ZNF777: variants seen among roughly 807,000 people sequenced by gnomAD.
ZNF777 encodes zinc finger protein 777.
A neutral mutation model predicts 72.1 loss-of-function variants in ZNF777; 7 were observed. The ratio of observed to expected loss-of-function variants is 0.10; its 90% CI spans 0.06 to 0.18. ZNF777 has a LOEUF of 0.18. Among genes scored for constraint, ZNF777 ranks in the 10% least tolerant of loss-of-function variants. The pLI, the probability that ZNF777 is intolerant of heterozygous loss-of-function variation, is 1.00. For missense variants in ZNF777, 828 were observed against 1,128.6 expected, an observed-to-expected ratio of 0.73 and a Z score of 3.82; for synonymous variants, 545 against 483.5, an observed-to-expected ratio of 1.13 and a Z score of -1.67.
intron 4 of ZNF777, among the ~76,000 whole-genome samples, chr7:149,439,055 G>C (rs1799464758): frequency 6.6e-6 from 1 of 151,952 alleles, no homozygotes; most frequent in South Asian, 2.1e-4. Context: ...TCCTACACTG[G>C]CTCAAAGTCA....
Position 149,435,663 on chromosome 7 carries a change from T to C in ZNF777, c.1339+912A>G, listed in dbSNP as rs931999717. Among the ~76,000 whole-genome samples, 17 of 152,206 alleles carry C rather than the reference T, an allele frequency of 1.1e-4. 1 individual carries two copies. Among genetic ancestry groups the C allele is most frequent in the Admixed American group, 6.5e-5 (1 of 15,272 alleles). On this transcript the variant is annotated intron_variant, in intron 5 of 5. Coordinates refer to ENST00000247930, the MANE Select transcript of ZNF777 (RefSeq NM_015694.3). ...ATATGAAAATACAATACAAACGTAA[T>C]GGTGAATGACTCACACATAAACGAA...
At chr7:149,441,913 A>G (rs1336528501) in intron 4 of ZNF777, among the ~76,000 whole-genome samples, 1 of 152,046 alleles carries the variant, frequency 6.6e-6, no homozygotes, top group African/African-American at 2.4e-5. Flanking sequence ...AGTGTTTACT[A>G]AATAAAATAG....
intron 4 of ZNF777, among the ~76,000 whole-genome samples, chr7:149,443,771 T>G (rs1406584058): frequency 1.3e-5 from 2 of 152,148 alleles, no homozygotes; most frequent in Non-Finnish European, 2.9e-5. Flanking sequence ...TTGTGTACTT[T>G]TAGTAGAGAT....
chr7:149,442,131 C>T (rs1367925555), intron 4 of ZNF777, among the ~76,000 whole-genome samples: 3 of 148,114 alleles, frequency 2.0e-5, no homozygotes, highest in African/African-American at 5.0e-5. Flanking sequence ...GCAGGAGAAT[C>T]GCTTGAACCC....
intron 4 of ZNF777, among the ~76,000 whole-genome samples, chr7:149,445,914 G>C (rs1799592466): frequency 6.6e-6 from 1 of 152,098 alleles, no homozygotes; most frequent in Non-Finnish European, 1.5e-5. Context: ...AGAGTCTCTG[G>C]TACTATTAAC....
In ZNF777 at chr7:149,458,752, G is replaced by A. The variant is rs78057389; in HGVS notation, c.-16+2063C>T. On this transcript the variant is annotated intron_variant, in intron 1 of 5. Coordinates refer to ENST00000247930, the MANE Select transcript of ZNF777 (RefSeq NM_015694.3). ...CCTTTGCTATAATTTAATCCATCCCGGTAAACCTGCCGCTTATCTTACCCT... is the reference window on the plus strand; with the variant it reads ...CCTTTGCTATAATTTAATCCATCCCAGTAAACCTGCCGCTTATCTTACCCT... Among the ~76,000 whole-genome samples, 2,322 of 152,228 alleles carry A rather than the reference G, an allele frequency of 0.015. 110 individuals carry two copies. The East Asian group carries it at 0.18, about 12-fold the overall frequency.
intron 4 of ZNF777, among the ~76,000 whole-genome samples, chr7:149,449,407 C>A (rs1308749303): frequency 6.6e-6 from 1 of 152,196 alleles, no homozygotes; most frequent in Non-Finnish European, 1.5e-5. Flanking sequence ...CAATTCTGGC[C>A]CCATTCTGTG....
chr7:149,454,455 G>C (rs1001760493), intron 2 of ZNF777, among the ~76,000 whole-genome samples: 7 of 152,226 alleles, frequency 4.6e-5, no homozygotes, highest in African/African-American at 1.7e-4. Flanking sequence ...AGCATGGTCT[G>C]TGGACCAGCA....
At position 149,457,971 on chromosome 7, in the gene ZNF777, C is replaced by T. The variant is rs554711176; in HGVS notation, c.-15-1934G>A. 7.2e-5 allele frequency among the ~76,000 whole-genome samples: 11 copies of T among 152,322 alleles called. No individual in the cohort carries two copies. The South Asian group carries it at 2.3e-3, about 32-fold the overall frequency. On this transcript the variant is annotated intron_variant, in intron 1 of 5. Transcript: ENST00000247930. ...GCTACCTTGAGGCCTTAACTGTCAA[C>T]TGAGGCAGCTGGCCAGGCAGGTGTG... is the stretch of plus-strand genomic sequence containing the variant.
At chr7:149,439,084 T>A (rs542821058) in intron 4 of ZNF777, among the ~76,000 whole-genome samples, 10 of 151,914 alleles carry the variant, frequency 6.6e-5, no homozygotes, top group African/African-American at 2.4e-4. Flanking sequence ...ACCTCCCTTT[T>A]CTCTCCAATC....
rs764062436 is a variant in ZNF777 at position 149,458,983 on chromosome 7, ACC to A, written c.-16+1830_-16+1831del. Among the ~76,000 whole-genome samples the A allele has an allele frequency of 4.3e-4, 65 of 152,306 alleles. No homozygotes were observed. In the East Asian group the frequency reaches 7.5e-3, roughly 18 times the overall value. On this transcript the variant is annotated intron_variant, in intron 1 of 5. Coordinates refer to ENST00000247930, the MANE Select transcript of ZNF777 (RefSeq NM_015694.3). ...TGCCACATTAGCAGAAGCATCCATA[ACC>A]ACAGTATCTGACTTATTAAGAAAGT...
rs1014782259 is a variant in ZNF777 at position 149,460,027 on chromosome 7, T to C, written c.-16+788A>G. 17 of 977,666 alleles carry C rather than the reference T, an allele frequency of 1.7e-5. No individual in the cohort carries two copies. The highest frequency in any genetic ancestry group is 6.3e-5 in the Admixed American group (1 of 15,936). 60.6% of individuals were successfully genotyped at this position (977,666 alleles called of 1,614,324 possible). ...CCAACGTCGTAGCGTTTCTGCCCCT[T>C]ACCGAGATCCCAGGCCGGGCCGCCG... On this transcript the variant is annotated intron_variant, in intron 1 of 5. Transcript: ENST00000247930. The surrounding 1 kb of genome is among the most constrained non-coding windows in gnomAD (Gnocchi z 6.1).
At position 149,448,510 on chromosome 7, in the gene ZNF777, T is replaced by TAA. The variant is rs1554493981; in HGVS notation, c.1087+2487_1087+2488dup. 5.7e-5 allele frequency among the ~76,000 whole-genome samples: 7 copies of TAA among 122,338 alleles called. 2 individuals carry two copies. The highest frequency in any genetic ancestry group is 1.1e-4 in the African/African-American group (3 of 26,356). 80.3% of individuals were successfully genotyped at this position (122,338 alleles called of 152,430 possible). A position where few individuals can be genotyped will look rare whatever the true frequency, so the allele number is the denominator to read the frequency against. On this transcript the variant is annotated intron_variant, in intron 4 of 5. Coordinates refer to ENST00000247930, the MANE Select transcript of ZNF777 (RefSeq NM_015694.3). ...CTATATATATATATATATATATATA[T>TAA]AACTATATATAGTTATACATATAGT...
rs566343111 is a variant in ZNF777, at chr7:149,455,645, T to C, written c.378A>G (p.Glu126=). Reference sequence around the variant, plus strand: ...GAGCTTCAGGGGAGTGAACGGGGGCTTCCTGGTGGTGGGGGGAGTGGGAGA... The same window carrying C: ...GAGCTTCAGGGGAGTGAACGGGGGCCTCCTGGTGGTGGGGGGAGTGGGAGA... The part of the protein sequence containing the change: ...SLLSHSPHHQ[E]APVHSPEAPE... Residue 126 remains glutamate, a synonymous_variant, in exon 2 of 6, where the codon GAA becomes GAG. Coordinates refer to ENST00000247930, the MANE Select transcript of ZNF777 (RefSeq NM_015694.3). This position sits in a 1 kb window ranked among gnomAD's most constrained non-coding sequence, Gnocchi z 4.2. 1 of 1,455,238 alleles carries C rather than the reference T, an allele frequency of 6.9e-7. No individual in the cohort carries two copies. The highest frequency in any genetic ancestry group is 2.8e-5 in the East Asian group (1 of 35,254). 90.1% of individuals were successfully genotyped at this position (1,455,238 alleles called of 1,614,324 possible).
intron 1 of ZNF777, among the ~76,000 whole-genome samples, chr7:149,458,723 A>T (rs1453803235): frequency 1.3e-5 from 2 of 152,240 alleles, no homozygotes; most frequent in Non-Finnish European, 2.9e-5. Flanking sequence ...TCCCAAATAA[A>T]AGCCCTTTGC....
chr7:149,431,570 C>T lies in ZNF777; in HGVS notation c.*206G>A. 1.9e-6 allele frequency: 1 copy of T among 528,342 alleles called. No homozygotes were observed. Among genetic ancestry groups the T allele is most frequent in the Non-Finnish European group, 3.3e-6 (1 of 303,080 alleles). The allele number at this position is 528,342 out of a possible 1,614,324, so 32.7% of individuals were successfully genotyped here. ...GGGTTCCCCAGGTCCGCGCCCTCCC[C>T]CCTGGGGCCCCCGGGGAAACGCGGC... On this transcript the variant is annotated 3_prime_UTR_variant, in exon 6 of 6. Coordinates refer to ENST00000247930, the MANE Select transcript of ZNF777 (RefSeq NM_015694.3).
rs996475544 is a variant in ZNF777 at position 149,436,477 on chromosome 7, G to C, written c.1339+98C>G. On this transcript the variant is annotated intron_variant, in intron 5 of 5. Transcript: ENST00000247930. The surrounding 1 kb of genome is among the most constrained non-coding windows in gnomAD (Gnocchi z 5.0). The stretch of plus-strand genomic sequence containing the variant: ...CCACCTGTTGCCCCATCAGTGTCCA[G>C]CTACCTCTCTGAAGGAACCACAGCT... 1 of 1,415,418 alleles carries C rather than the reference G, an allele frequency of 7.1e-7. No homozygotes were observed. Among genetic ancestry groups the C allele is most frequent in the African/African-American group, 1.4e-5 (1 of 70,328 alleles). 87.7% of individuals were successfully genotyped at this position (1,415,418 alleles called of 1,614,324 possible).
intron 4 of ZNF777, among the ~76,000 whole-genome samples, chr7:149,447,463 C>T (rs193108150): frequency 5.3e-5 from 8 of 152,322 alleles, no homozygotes; most frequent in Non-Finnish European, 1.0e-4. Flanking sequence ...ACATTACCCT[C>T]CCTCTACTCT....
intron 1 of ZNF777, among the ~76,000 whole-genome samples, chr7:149,456,407 G>A (rs1047213137): frequency 5.3e-5 from 8 of 152,156 alleles, no homozygotes; most frequent in South Asian, 2.1e-4. Flanking sequence ...TGGATCGGTC[G>A]TTTGACCTCT....
Sources: allele counts gnomAD v4.1 joint callset (sites outside exome capture counted in the v4.1 genomes callset), GRCh38; gene constraint gnomAD v4.1.1; non-coding constraint Gnocchi (gnomAD v3.1); transcripts MANE v1.5; gene names NCBI Gene and HGNC (gene_info 2026-07-23, HGNC 2026-07-21).